KCNIP4: variants seen among roughly 807,000 people sequenced by gnomAD.
KCNIP4 encodes the protein potassium voltage-gated channel interacting protein 4.
Under a neutral mutation model 34.0 loss-of-function variants are expected in KCNIP4, and 12 were observed. The observed-to-expected ratio is 0.35, with a 90% CI of 0.23 to 0.57. KCNIP4 has a LOEUF of 0.57. Ranked by LOEUF, KCNIP4 falls within the 20% of genes least tolerant of loss-of-function variation. The pLI is 0.83. For synonymous variants in KCNIP4, 124 were observed against 102.2 expected (o/e 1.21, Z -1.29); for missense variants, 238 against 311.7 (o/e 0.76, Z 1.78).
At chr4:21,526,731 G>C (rs1165421623) in intron 1 of KCNIP4, among the ~76,000 whole-genome samples, 1 of 152,056 alleles carries the variant, frequency 6.6e-6, no homozygotes, top group Non-Finnish European at 1.5e-5. Flanking sequence ...TATTTACAGA[G>C]ACTAAGTTAA....
intron 1 of KCNIP4, among the ~76,000 whole-genome samples, chr4:21,252,377 C>T (rs1560217793): frequency 6.6e-6 from 1 of 152,020 alleles, no homozygotes; most frequent in Non-Finnish European, 1.5e-5. Flanking sequence ...CCGCCCGCCT[C>T]GGCCTCCCAA....
intron 1 of KCNIP4, among the ~76,000 whole-genome samples, chr4:21,123,012 C>T (rs1052960339): frequency 3.3e-5 from 5 of 151,980 alleles, no homozygotes; most frequent in African/African-American, 9.7e-5. Flanking sequence ...AGATCAAGAC[C>T]ATCCTGGCTA....
rs78634081 is a variant in KCNIP4, at chr4:21,501,993, G to A, written c.61+446578C>T. Among the ~76,000 whole-genome samples the A allele has an allele frequency of 0.01, 1,502 of 145,200 alleles. 68 individuals are homozygous for A. The East Asian group carries it at 0.13, about 13-fold the overall frequency. ...TTCTCTCTCTCTCTCTCATGCACAC[G>A]CACACACACACACACACACACAAGC... On this transcript the variant is annotated intron_variant, in intron 1 of 8. Coordinates refer to ENST00000382152, the MANE Select transcript of KCNIP4 (RefSeq NM_025221.6).
intron 1 of KCNIP4, among the ~76,000 whole-genome samples, chr4:21,525,027 ATCT>A (rs1297078251): frequency 2.0e-4 from 30 of 152,126 alleles, no homozygotes; most frequent in Admixed American, 1.7e-3. Context: ...TCAGAAAGTC[ATCT>A]TCTCCTTCTC....
At chr4:20,978,252 A>G (rs182394010) in intron 1 of KCNIP4, among the ~76,000 whole-genome samples, 1 of 152,228 alleles carries the variant, frequency 6.6e-6, no homozygotes, top group African/African-American at 2.4e-5. Flanking sequence ...AACAGAAAAA[A>G]TATATATATA....
At chr4:21,258,231 T>A (rs570261544) in intron 1 of KCNIP4, among the ~76,000 whole-genome samples, 1 of 152,274 alleles carries the variant, frequency 6.6e-6, no homozygotes, top group East Asian at 1.9e-4. Flanking sequence ...ATCACATAAA[T>A]TTAGGTAGAT....
At chr4:21,037,559 G>A (rs772217848) in intron 1 of KCNIP4, among the ~76,000 whole-genome samples, 2 of 152,322 alleles carry the variant, frequency 1.3e-5, no homozygotes, top group Non-Finnish European at 2.9e-5. Flanking sequence ...GTTTGTGTAA[G>A]TATGCTCTAT....
At chr4:21,483,562 A>G (rs1731640129) in intron 1 of KCNIP4, among the ~76,000 whole-genome samples, 1 of 151,290 alleles carries the variant, frequency 6.6e-6, no homozygotes, top group African/African-American at 2.4e-5. Flanking sequence ...GGCTGAAGCA[A>G]GCAGATCATG....
intron 5 of KCNIP4, among the ~76,000 whole-genome samples, chr4:20,740,239 AC>A (rs1750740700): frequency 6.6e-6 from 1 of 152,174 alleles, no homozygotes; most frequent in Non-Finnish European, 1.5e-5. Context: ...AGAGAATGCC[AC>A]CAAGATACTC....
chr4:20,921,714 T>C (rs1202382197), intron 1 of KCNIP4, among the ~76,000 whole-genome samples: 2 of 152,236 alleles, frequency 1.3e-5, no homozygotes, highest in Non-Finnish European at 2.9e-5. Flanking sequence ...TAATGAATAA[T>C]ATCCTTTTGT....
chr4:21,286,574 G>T (rs1029048066), intron 1 of KCNIP4, among the ~76,000 whole-genome samples: 2 of 152,150 alleles, frequency 1.3e-5, no homozygotes, highest in Non-Finnish European at 2.9e-5. Context: ...TCCTAAATGA[G>T]AAATTTGCCC....
intron 1 of KCNIP4, among the ~76,000 whole-genome samples, chr4:21,647,733 T>C (rs1747128852): frequency 6.6e-6 from 1 of 152,034 alleles, no homozygotes; most frequent in Admixed American, 6.6e-5. Flanking sequence ...TGAAAAATCA[T>C]TCTATTGTTC....
chr4:20,836,188 C>A (rs1230200957), intron 3 of KCNIP4, among the ~76,000 whole-genome samples: 2 of 152,186 alleles, frequency 1.3e-5, no homozygotes, highest in African/African-American at 4.8e-5. Context: ...TGCTGTATGT[C>A]TACCTGGCTG....
At chr4:20,935,205 A>T (rs1429548270) in intron 1 of KCNIP4, among the ~76,000 whole-genome samples, 1 of 152,196 alleles carries the variant, frequency 6.6e-6, no homozygotes, top group Admixed American at 6.5e-5. Context: ...CATTTTTGAG[A>T]TACACTATTC....
chr4:21,054,480 T>C (rs1199817046), intron 1 of KCNIP4, among the ~76,000 whole-genome samples: 3 of 149,710 alleles, frequency 2.0e-5, no homozygotes, highest in Admixed American at 6.7e-5. Context: ...GATCACACCA[T>C]TGCACTCCAA....
chr4:20,786,434 C>T (rs1712000909), intron 3 of KCNIP4, among the ~76,000 whole-genome samples: 1 of 152,004 alleles, frequency 6.6e-6, no homozygotes, highest in South Asian at 2.1e-4. Context: ...CACATGTACC[C>T]CCTGAATCTA....
intron 1 of KCNIP4, among the ~76,000 whole-genome samples, chr4:21,897,157 T>C (rs1302561964): frequency 6.6e-6 from 1 of 152,062 alleles, no homozygotes; most frequent in Non-Finnish European, 1.5e-5. Context: ...CAGTATGCCC[T>C]TTAGCCACAT....
intron 1 of KCNIP4, among the ~76,000 whole-genome samples, chr4:21,750,709 A>T (rs1331073096): frequency 6.6e-6 from 1 of 152,202 alleles, no homozygotes; most frequent in East Asian, 1.9e-4. Flanking sequence ...CCCTGAGAAG[A>T]CTAATAATCT....
At chr4:21,911,604 TCACA>T (rs149500330) in intron 1 of KCNIP4, among the ~76,000 whole-genome samples, 21,593 of 129,712 alleles carry the variant, frequency 0.17, 2,270 homozygotes, top group East Asian at 0.54. Flanking sequence ...GAATTGATAT[TCACA>T]CACACACACA....
Sources: gnomAD v4.1 joint callset for allele counts (sites outside exome capture counted in the v4.1 genomes callset) on GRCh38, gnomAD v4.1.1 for gene constraint, MANE v1.5 for transcripts, NCBI Gene and HGNC (gene_info 2026-07-23, HGNC 2026-07-21) for gene names.